The following DYNC1H1 variants were observed in gnomAD, a reference collection of about 807,000 sequenced individuals.
DYNC1H1 encodes the protein cytoplasmic dynein 1 heavy chain 1.
In DYNC1H1, 51 loss-of-function variants were observed where a neutral mutation model predicts 527.1. The ratio of observed to expected loss-of-function variants is 0.10; its 90% confidence interval spans 0.08 to 0.12. The LOEUF (loss-of-function observed/expected upper bound fraction) is 0.12. DYNC1H1 is among the 10% of genes least tolerant of loss of function. The pLI, the probability that DYNC1H1 is intolerant of heterozygous loss-of-function variation, is 1.00. For synonymous variants in DYNC1H1, 2,189 were observed against 2,278.8 expected, an observed-to-expected ratio of 0.96 and a Z score of 1.12; for missense variants, 2,771 against 5,971.8, an observed-to-expected ratio of 0.46 and a Z score of 17.66.
chr14:102,026,933 T>C (rs2048457769), intron 44 of DYNC1H1: 1 of 779,584 alleles, frequency 1.3e-6, no homozygotes, highest in African/African-American at 1.7e-5. Flanking sequence ...CTGCCATAAT[T>C]ATGGCCCTTT....
Position 102,022,746 on chromosome 14 carries a change from C to T in DYNC1H1, c.8508-5C>T, listed in dbSNP as rs1294857730. ...ACCTAAATGCACATGCTGCTCTCCCCACAGACTCGTAGAGGATGAGGAGAG... is the reference window on the plus strand; with the variant it reads ...ACCTAAATGCACATGCTGCTCTCCCTACAGACTCGTAGAGGATGAGGAGAG... On this transcript the variant is annotated splice_region_variant and splice_polypyrimidine_tract_variant and intron_variant, in intron 42 of 77. Transcript: ENST00000360184. 6.2e-7 allele frequency: 1 copy of T among 1,614,060 alleles called. No homozygotes were observed. Among genetic ancestry groups the T allele is most frequent in the African/African-American group, 1.3e-5 (1 of 75,016 alleles).
In DYNC1H1 at chr14:102,039,507, C is replaced by T; in HGVS notation, c.11556C>T (p.His3852=). The T allele has an allele frequency of 1.2e-6, 2 of 1,614,272 alleles. No homozygotes were observed. Among genetic ancestry groups the T allele is most frequent in the Non-Finnish European group, 1.7e-6 (2 of 1,180,052 alleles). The change falls in exon 61 of 78, where the codon CAC becomes CAT. Residue 3852 remains histidine, a synonymous_variant. Transcript: ENST00000360184. This position sits in a 1 kb window ranked among gnomAD's most constrained non-coding sequence, Gnocchi z 7.0. ...ENPNLKGVTD[H]TQRLSIITKD... ...CGAACCTGAAGGGTGTCACCGACCA[C>T]ACACAGCGCCTGTCCATTATAACAA... is the stretch of plus-strand genomic sequence containing the variant.
At position 102,051,722 on chromosome 14, in the gene DYNC1H1, C is replaced by T. The variant is rs1384334748; in HGVS notation, c.*1159C>T. 6.5e-6 allele frequency: 1 copy of T among 152,838 alleles called. No individual in the cohort carries two copies. The highest frequency in any genetic ancestry group is 2.4e-5 in the African/African-American group (1 of 41,458). The allele number at this position is 152,838 out of a possible 1,614,324, so 9.5% of individuals were successfully genotyped here. A position where few individuals can be genotyped will look rare whatever the true frequency, so the allele number is the denominator to read the frequency against. The stretch of plus-strand genomic sequence containing the variant: ...TTTATTTTTGAGATGGAGTTTCGCT[C>T]TTGTTGCCCAGGCTGGAGTGCAGTG... On this transcript the variant is annotated 3_prime_UTR_variant, in exon 78 of 78. Coordinates refer to ENST00000360184, the MANE Select transcript of DYNC1H1 (RefSeq NM_001376.5).
At position 102,033,384 on chromosome 14, in the gene DYNC1H1, G is replaced by A. The variant is rs1375729860; in HGVS notation, c.10313G>A (p.Arg3438Gln). 9 of 1,614,220 alleles carry A rather than the reference G, an allele frequency of 5.6e-6. No individual in the cohort carries two copies. Among genetic ancestry groups the A allele is most frequent in the East Asian group, 2.2e-5 (1 of 44,880 alleles). ...GCCAACGAGGTGGAGCAGATGATCC[G>A]AGACCTGGAAGCCAGCATCGCCCGC... ...QKANEVEQMI[R>Q]DLEASIARYK... The change falls in exon 54 of 78, where the codon CGA becomes CAA. Residue 3438 changes from arginine to glutamine, a missense_variant. Coordinates refer to ENST00000360184, the MANE Select transcript of DYNC1H1 (RefSeq NM_001376.5). This position sits in a 1 kb window ranked among gnomAD's most constrained non-coding sequence, Gnocchi z 5.6.
chr14:101,966,519 A>G (rs964011196), intron 1 of DYNC1H1, among the ~76,000 whole-genome samples: 1 of 152,100 alleles, frequency 6.6e-6, no homozygotes, highest in Non-Finnish European at 1.5e-5. Context: ...TTTGACCCAG[A>G]TATAATCACT....
intron 16 of DYNC1H1, among the ~76,000 whole-genome samples, chr14:101,999,618 G>T (rs1045211081): frequency 6.6e-6 from 1 of 152,294 alleles, no homozygotes; most frequent in South Asian, 2.1e-4. Flanking sequence ...TGTAACAACT[G>T]TGTTCTCTGG....
rs374190499 is a variant in DYNC1H1, at chr14:102,039,297, T to G, written c.11460+43T>G. ...GCAGAGACTGGCGGGCCCCGCACAG[T>G]AGCTCCTTGGCCGCACAGAGGCTGG... is the stretch of plus-strand genomic sequence containing the variant. On this transcript the variant is annotated intron_variant, in intron 60 of 77. Coordinates refer to ENST00000360184, the MANE Select transcript of DYNC1H1 (RefSeq NM_001376.5). This position sits in a 1 kb window ranked among gnomAD's most constrained non-coding sequence, Gnocchi z 7.0. 8 of 1,611,282 alleles carry G rather than the reference T, an allele frequency of 5.0e-6. 1 individual carries two copies. In the South Asian group the frequency reaches 8.8e-5, roughly 18 times the overall value.
At position 102,036,742 on chromosome 14, in the gene DYNC1H1, A is replaced by T; in HGVS notation, c.10908+100A>T. ...TCAACTTTGTAAGACTTCATTTTGT[A>T]TCAGAAGGATAAAGCTTTGCGGTGG... On this transcript the variant is annotated intron_variant, in intron 57 of 77. Transcript: ENST00000360184. The surrounding 1 kb of genome is among the most constrained non-coding windows in gnomAD (Gnocchi z 5.6). 1 of 1,442,300 alleles carries T rather than the reference A, an allele frequency of 6.9e-7. No homozygotes were observed. Among genetic ancestry groups the T allele is most frequent in the South Asian group, 1.2e-5 (1 of 86,940 alleles). The allele number at this position is 1,442,300 out of a possible 1,614,324, so 89.3% of individuals were successfully genotyped here.
intron 2 of DYNC1H1, 101 bp downstream of exon 2, chr14:101,975,900 T>G: frequency 1.0e-6 from 1 of 981,410 alleles, no homozygotes; most frequent in South Asian, 1.5e-5. Flanking sequence ...CTAAGAGAAT[T>G]AATATAAATC....
chr14:102,040,536 T>C, intron 63 of DYNC1H1, 62 bp from the exon 64 acceptor site: 1 of 1,612,596 alleles, frequency 6.2e-7, no homozygotes, highest in Non-Finnish European at 8.5e-7. Flanking sequence ...TCTCGCTCAG[T>C]CGTGGGTTCT....
Position 102,039,510 on chromosome 14 carries a change from A to G in DYNC1H1, c.11559A>G (p.Thr3853=), listed in dbSNP as rs746950106. 12 of 1,614,124 alleles carry G rather than the reference A, an allele frequency of 7.4e-6. No homozygotes were observed. The highest frequency in any genetic ancestry group is 1.0e-5 in the Non-Finnish European group (12 of 1,180,058). The change falls in exon 61 of 78, where the codon ACA becomes ACG. Residue 3853 remains threonine, a synonymous_variant. Coordinates refer to ENST00000360184, the MANE Select transcript of DYNC1H1 (RefSeq NM_001376.5). This position sits in a 1 kb window ranked among gnomAD's most constrained non-coding sequence, Gnocchi z 7.0. Reference sequence around the variant, plus strand: ...ACCTGAAGGGTGTCACCGACCACACACAGCGCCTGTCCATTATAACAAAGG... The same window carrying G: ...ACCTGAAGGGTGTCACCGACCACACGCAGCGCCTGTCCATTATAACAAAGG... ...NPNLKGVTDH[T]QRLSIITKDL...
chr14:102,038,682 T>C lies in DYNC1H1; in HGVS notation c.11056-16T>C. On this transcript the variant is annotated splice_polypyrimidine_tract_variant and intron_variant, in intron 58 of 77. Coordinates refer to ENST00000360184, the MANE Select transcript of DYNC1H1 (RefSeq NM_001376.5). The surrounding 1 kb of genome is among the most constrained non-coding windows in gnomAD (Gnocchi z 7.2). ...AACTGGATTAAGACAGACTGTTCTG[T>C]TACCTATTTTGGCAGGTCGAGTTCC... 1 of 1,614,248 alleles carries C rather than the reference T, an allele frequency of 6.2e-7. No homozygotes were observed. Among genetic ancestry groups the C allele is most frequent in the Non-Finnish European group, 8.5e-7 (1 of 1,180,052 alleles).
At chr14:102,032,537 C>T in intron 52 of DYNC1H1, 70 bp downstream of exon 52, 2 of 1,592,246 alleles carry the variant, frequency 1.3e-6, no homozygotes, top group South Asian at 1.1e-5. Flanking sequence ...CACGGTGGCT[C>T]ACGCCTCCAA....
chr14:102,015,400 G>C lies in DYNC1H1; in HGVS notation c.7242+68G>C, dbSNP rs1595616898. ...TAGGATATTCAGATGTGGTCTCGCT[G>C]TGTTGCCCACGCTGGTCTTGAACTC... On this transcript the variant is annotated intron_variant, in intron 35 of 77. Transcript: ENST00000360184. The surrounding 1 kb of genome is among the most constrained non-coding windows in gnomAD (Gnocchi z 6.9). 9 of 1,504,624 alleles carry C rather than the reference G, an allele frequency of 6.0e-6. No individual in the cohort carries two copies. In the East Asian group the frequency reaches 2.2e-4, roughly 37 times the overall value. 93.2% of individuals were successfully genotyped at this position (1,504,624 alleles called of 1,614,324 possible).
At position 102,018,681 on chromosome 14, in the gene DYNC1H1, T is replaced by C. The variant is rs2152583890; in HGVS notation, c.8343+65T>C. 1 of 1,583,304 alleles carries C rather than the reference T, an allele frequency of 6.3e-7. No homozygotes were observed. Among genetic ancestry groups the C allele is most frequent in the Non-Finnish European group, 8.6e-7 (1 of 1,166,984 alleles). On this transcript the variant is annotated intron_variant, in intron 41 of 77. Coordinates refer to ENST00000360184, the MANE Select transcript of DYNC1H1 (RefSeq NM_001376.5). The surrounding 1 kb of genome is among the most constrained non-coding windows in gnomAD (Gnocchi z 5.2). ...TCTCATAATTAAGGCACTCGATTGG[T>C]CAGGTGTGGTGGTTCACACCTGTAA... is the stretch of plus-strand genomic sequence containing the variant.
At chr14:102,048,176 GC>G in intron 73 of DYNC1H1, 148 bp downstream of exon 73, 1 of 1,078,018 alleles carries the variant, frequency 9.3e-7, no homozygotes, top group Non-Finnish European at 1.3e-6. Context: ...GTCCAGCTGA[GC>G]CCAGGCATTG....
Position 102,002,434 on chromosome 14 carries a change from A to T in DYNC1H1, c.4543-103A>T. ...CTACTTGTTGTTTAAAATGTGAATC[A>T]GATTACTTCATGAGATCCTGATCTG... On this transcript the variant is annotated intron_variant, in intron 21 of 77. Transcript: ENST00000360184. The surrounding 1 kb of genome is among the most constrained non-coding windows in gnomAD (Gnocchi z 4.4). The T allele has an allele frequency of 6.8e-7, 1 of 1,471,948 alleles. No homozygotes were observed. The allele number at this position is 1,471,948 out of a possible 1,614,324, so 91.2% of individuals were successfully genotyped here. A position where few individuals can be genotyped will look rare whatever the true frequency, so the allele number is the denominator to read the frequency against.
At chr14:102,026,502 C>A in intron 43 of DYNC1H1, 72 bp from the exon 44 acceptor site, 1 of 1,527,872 alleles carries the variant, frequency 6.5e-7, no homozygotes, top group Non-Finnish European at 9.0e-7. Flanking sequence ...GGTATGTGGA[C>A]ATACAGTTGA....
chr14:102,031,919 A>C (rs1418392692), intron 51 of DYNC1H1, among the ~76,000 whole-genome samples: 1 of 152,202 alleles, frequency 6.6e-6, no homozygotes, highest in Non-Finnish European at 1.5e-5. Context: ...GCACCACTGC[A>C]CTCCAGCCTA....
Sources: allele counts gnomAD v4.1 joint callset (sites outside exome capture counted in the v4.1 genomes callset), GRCh38; gene constraint gnomAD v4.1.1; non-coding constraint Gnocchi (gnomAD v3.1); transcripts MANE v1.5; gene names NCBI Gene and HGNC (gene_info 2026-07-23, HGNC 2026-07-21).